Variants in APP observed in about 807,000 individuals in gnomAD.
The protein encoded by APP is amyloid-beta precursor protein.
In APP, 31 loss-of-function variants were observed where a neutral mutation model predicts 101.4. That is an observed-to-expected ratio of 0.31 (90% CI 0.23 to 0.41). The LOEUF (loss-of-function observed/expected upper bound fraction) is 0.41. APP is among the 10% of genes least tolerant of loss of function. The probability of loss-of-function intolerance (pLI) is 1.00; values close to 1 mark genes in which losing one functional copy is unlikely to be tolerated. For missense variants in APP, 839 were observed against 1,003.7 expected, an observed-to-expected ratio of 0.84 and a Z score of 2.22; for synonymous variants, 366 against 364.4, an observed-to-expected ratio of 1.00 and a Z score of -0.05.
chr21:26,073,533 T>C (rs1203103842), intron 3 of APP, among the ~76,000 whole-genome samples: 1 of 152,200 alleles, frequency 6.6e-6, no homozygotes, highest in Non-Finnish European at 1.5e-5. Context: ...CAGGAACTTC[T>C]GACTACCATA....
Position 25,897,526 on chromosome 21 carries a change from T to C in APP, c.2064+47A>G, listed in dbSNP as rs144506349. The C allele has an allele frequency of 2.4e-3, 3,396 of 1,421,098 alleles. 9 individuals carry two copies. Among genetic ancestry groups the C allele is most frequent in the Non-Finnish European group, 3.0e-3 (3,008 of 1,004,142 alleles). 88.0% of individuals were successfully genotyped at this position (1,421,098 alleles called of 1,614,324 possible). A position where few individuals can be genotyped will look rare whatever the true frequency, so the allele number is the denominator to read the frequency against. On this transcript the variant is annotated intron_variant, in intron 16 of 17. Transcript: ENST00000346798. Reference sequence around the variant, plus strand: ...AGGATGAACCAGAGTTAATAGGTCATTTGGCAAGACAAACAGTAGTGGAAA... The same window carrying C: ...AGGATGAACCAGAGTTAATAGGTCACTTGGCAAGACAAACAGTAGTGGAAA...
chr21:26,011,873 T>A (rs895994147), intron 6 of APP, among the ~76,000 whole-genome samples: 1 of 152,250 alleles, frequency 6.6e-6, no homozygotes, highest in African/African-American at 2.4e-5. Context: ...TTGCATATTC[T>A]GTCTAGAAAT....
intron 6 of APP, among the ~76,000 whole-genome samples, chr21:26,006,124 T>C (rs528674804): frequency 4.6e-5 from 7 of 152,260 alleles, no homozygotes; most frequent in Admixed American, 1.3e-4. Flanking sequence ...TCAAAGTAAA[T>C]ATCAGAGATA....
At chr21:25,958,794 T>C (rs933849618) in intron 11 of APP, among the ~76,000 whole-genome samples, 6 of 152,172 alleles carry the variant, frequency 3.9e-5, no homozygotes, top group African/African-American at 1.2e-4. Flanking sequence ...CCCCTTTCTT[T>C]CCTCTAAGTA....
chr21:26,023,128 G>A (rs2044417058), intron 5 of APP, among the ~76,000 whole-genome samples: 1 of 152,224 alleles, frequency 6.6e-6, no homozygotes, highest in Non-Finnish European at 1.5e-5. Context: ...CTATTTAGTT[G>A]CGTACCCTAT....
At chr21:26,170,167 T>G (rs1281292971) in intron 1 of APP, among the ~76,000 whole-genome samples, 1 of 152,142 alleles carries the variant, frequency 6.6e-6, no homozygotes, top group South Asian at 2.1e-4. Flanking sequence ...AGGACTGGCT[T>G]TAGGGACGCT....
chr21:26,168,851 G>A (rs535458215), intron 1 of APP, among the ~76,000 whole-genome samples: 4 of 152,252 alleles, frequency 2.6e-5, no homozygotes, highest in Middle Eastern at 3.4e-3. Context: ...CCACTTGTGG[G>A]TAAAAATCAG....
At chr21:26,137,525 G>C (rs1005026011) in intron 1 of APP, among the ~76,000 whole-genome samples, 1 of 152,092 alleles carries the variant, frequency 6.6e-6, no homozygotes, top group Non-Finnish European at 1.5e-5. Flanking sequence ...GTGGATCAAC[G>C]AGACGGAGGT....
At chr21:26,068,493 G>C (rs1028156350) in intron 3 of APP, among the ~76,000 whole-genome samples, 2 of 152,000 alleles carry the variant, frequency 1.3e-5, no homozygotes, top group Non-Finnish European at 2.9e-5. Context: ...CCAAGTAGCC[G>C]GGACTACCGG....
In APP at chr21:26,170,704, C is replaced by G. The variant is rs887420689; in HGVS notation, c.-84G>C. 2 of 1,389,730 alleles carry G rather than the reference C, an allele frequency of 1.4e-6. No homozygotes were observed. Among genetic ancestry groups the G allele is most frequent in the African/African-American group, 1.5e-5 (1 of 66,178 alleles). 86.1% of individuals were successfully genotyped at this position (1,389,730 alleles called of 1,614,324 possible). A position where few individuals can be genotyped will look rare whatever the true frequency, so the allele number is the denominator to read the frequency against. ...TGCTCTGCCCGCGCCGCCACCGCCGCCGTCTCCCGGGGCCCCCGCGCACGC... is the reference window on the plus strand; with the variant it reads ...TGCTCTGCCCGCGCCGCCACCGCCGGCGTCTCCCGGGGCCCCCGCGCACGC... On this transcript the variant is annotated 5_prime_UTR_variant, in exon 1 of 18. Transcript: ENST00000346798.
intron 1 of APP, among the ~76,000 whole-genome samples, chr21:26,114,935 G>A (rs1351880787): frequency 6.6e-6 from 1 of 151,618 alleles, no homozygotes; most frequent in Non-Finnish European, 1.5e-5. Flanking sequence ...TGTGTATGTT[G>A]ACTACCAAAA....
chr21:26,004,700 C>T (rs1222806472), intron 6 of APP, among the ~76,000 whole-genome samples: 4 of 152,004 alleles, frequency 2.6e-5, no homozygotes, highest in African/African-American at 4.8e-5. Flanking sequence ...ATGTGCACAA[C>T]GTGCAGGTTT....
chr21:26,168,497 A>G (rs1339288399), intron 1 of APP, among the ~76,000 whole-genome samples: 1 of 152,256 alleles, frequency 6.6e-6, no homozygotes, highest in Non-Finnish European at 1.5e-5. Flanking sequence ...TGGCAGAAAG[A>G]GCATATTAAT....
chr21:25,976,133 G>T, intron 9 of APP, 105 bp from the exon 10 acceptor site: 1 of 999,340 alleles, frequency 1.0e-6, no homozygotes, highest in Non-Finnish European at 1.5e-6. Flanking sequence ...TGTCATTTTA[G>T]ATATTTAAAA....
chr21:26,169,802 C>T (rs1323773229), intron 1 of APP, among the ~76,000 whole-genome samples: 2 of 152,230 alleles, frequency 1.3e-5, no homozygotes, highest in African/African-American at 4.8e-5. Flanking sequence ...AGGGTGCGAG[C>T]GAACTCCCGG....
chr21:25,996,280 T>C (rs191441497), intron 8 of APP, among the ~76,000 whole-genome samples: 2 of 152,322 alleles, frequency 1.3e-5, no homozygotes, highest in Non-Finnish European at 2.9e-5. Flanking sequence ...CCTACCATTA[T>C]GCCTTCTGGG....
intron 1 of APP, among the ~76,000 whole-genome samples, chr21:26,113,985 T>C (rs1186827080): frequency 1.3e-5 from 2 of 152,256 alleles, no homozygotes; most frequent in East Asian, 1.9e-4. Flanking sequence ...AATCCACTAA[T>C]GGAATCGCCA....
intron 13 of APP, among the ~76,000 whole-genome samples, chr21:25,936,786 T>C (rs1463999376): frequency 6.6e-6 from 1 of 152,218 alleles, no homozygotes; most frequent in Non-Finnish European, 1.5e-5. Context: ...AGCAGACTAA[T>C]GCATTTATCT....
At chr21:26,156,635 T>C (rs1373563209) in intron 1 of APP, among the ~76,000 whole-genome samples, 1 of 152,232 alleles carries the variant, frequency 6.6e-6, no homozygotes, top group East Asian at 1.9e-4. Flanking sequence ...GTTTGAAGCA[T>C]AGCCAGTTAT....
Sources: allele counts gnomAD v4.1 joint callset (sites outside exome capture counted in the v4.1 genomes callset), GRCh38; gene constraint gnomAD v4.1.1; transcripts MANE v1.5; gene names NCBI Gene and HGNC (gene_info 2026-07-23, HGNC 2026-07-21).